The following MRPS10 variants were observed in gnomAD, a reference collection of about 807,000 sequenced individuals.
MRPS10 encodes the protein small ribosomal subunit protein uS10m.
MRPS10 carries 23 observed loss-of-function variants against 27.5 expected under a neutral mutation model. The ratio of observed to expected loss-of-function variants is 0.84; its 90% CI spans 0.60 to 1.18. MRPS10 has a LOEUF of 1.18. MRPS10 is among the 50% of genes most tolerant of loss of function. The pLI is 0.00. For synonymous variants in MRPS10, 88 were observed against 84.2 expected (o/e 1.04, Z -0.25); for missense variants, 237 against 240.1 (o/e 0.99, Z 0.09).
chr6:42,208,803 A>C, intron 6 of MRPS10, 55 bp downstream of exon 6: 1 of 1,233,758 alleles, frequency 8.1e-7, no homozygotes, highest in Non-Finnish European at 1.2e-6. Flanking sequence ...CAAAACAACA[A>C]TACAGATACC....
At chr6:42,217,513 G>C (rs1768975074) in intron 1 of MRPS10, among the ~76,000 whole-genome samples, 1 of 152,106 alleles carries the variant, frequency 6.6e-6, no homozygotes, top group South Asian at 2.1e-4. Context: ...AGTTTATTTT[G>C]CAAGCGTGAA....
At chr6:42,216,249 C>T (rs1203078043) in intron 1 of MRPS10, among the ~76,000 whole-genome samples, 1 of 151,282 alleles carries the variant, frequency 6.6e-6, no homozygotes, top group Non-Finnish European at 1.5e-5. Flanking sequence ...GTCTTGATCT[C>T]CTGATCTCGT....
chr6:42,211,652 CAACAGAGCGAGACTCTGTCTCA>C, intron 4 of MRPS10, 107 bp downstream of exon 4: 2 of 801,148 alleles, frequency 2.5e-6, no homozygotes, highest in East Asian at 6.8e-5. Context: ...CCAGCCTGGG[CAACAGAGCGAGACTCTGTCTCA>C]AAAAAAAAAA....
In MRPS10 at chr6:42,216,385, A is replaced by AGAGAGAGAGTGTGTGTGTGTGTGT; in HGVS notation, c.48+1416_48+1417insACACACACACACACACTCTCTCTC. ...GAGAGAGAGAGAGAGAGAGAGAGAG[A>AGAGAGAGAGTGTGTGTGTGTGTGT]GTGTGTGTGTGTGTGTGTGTGTGTG... On this transcript the variant is annotated intron_variant, in intron 1 of 6. Transcript: ENST00000053468. Among the ~76,000 whole-genome samples the AGAGAGAGAGTGTGTGTGTGTGTGT allele has an allele frequency of 7.0e-3, 410 of 58,632 alleles. 6 individuals carry two copies. Among genetic ancestry groups the AGAGAGAGAGTGTGTGTGTGTGTGT allele is most frequent in the African/African-American group, 0.017 (391 of 22,430 alleles). The allele number at this position is 58,632 out of a possible 152,430, so 38.5% of individuals were successfully genotyped here.
At chr6:42,210,083 G>A (rs982290554) in intron 5 of MRPS10, among the ~76,000 whole-genome samples, 5 of 152,186 alleles carry the variant, frequency 3.3e-5, no homozygotes, top group Admixed American at 6.5e-5. Flanking sequence ...TTAAGCACAC[G>A]ACTGTGCTGG....
intron 1 of MRPS10, among the ~76,000 whole-genome samples, chr6:42,216,385 A>AGAGTGTGTGT: frequency 1.7e-5 from 1 of 58,640 alleles, no homozygotes; most frequent in African/African-American, 4.5e-5. Flanking sequence ...AGAGAGAGAG[A>AGAGTGTGTGT]GTGTGTGTGT....
Position 42,216,583 on chromosome 6 carries a change from G to A in MRPS10, c.48+1219C>T, listed in dbSNP as rs545133338. ...CCCAGCACTTTGGGAGGCCGAGGCT[G>A]CCGGATCACTTGAGGTCAGGAGTTC... On this transcript the variant is annotated intron_variant, in intron 1 of 6. Transcript: ENST00000053468. 2.0e-5 allele frequency among the ~76,000 whole-genome samples: 3 copies of A among 151,680 alleles called. No homozygotes were observed. The South Asian group carries it at 6.3e-4, about 32-fold the overall frequency.
intron 1 of MRPS10, among the ~76,000 whole-genome samples, chr6:42,217,081 A>C (rs902269127): frequency 5.3e-5 from 8 of 152,244 alleles, no homozygotes; most frequent in Admixed American, 3.3e-4. Context: ...GCAAAAATGT[A>C]AAACATTGCT....
At chr6:42,211,673 C>CACTGTCTCA (rs771130391) in intron 4 of MRPS10, 108 bp downstream of exon 4, 4 of 676,066 alleles carry the variant, frequency 5.9e-6, no homozygotes, top group African/African-American at 4.9e-5. Context: ...GACTCTGTCT[C>CACTGTCTCA]AAAAAAAAAA....
chr6:42,216,806 C>T (rs866648233), intron 1 of MRPS10, among the ~76,000 whole-genome samples: 1 of 152,058 alleles, frequency 6.6e-6, no homozygotes, highest in Non-Finnish European at 1.5e-5. Context: ...AGCGAAACTC[C>T]GTCTCCAAAC....
rs1396426713 is a variant in MRPS10, at chr6:42,211,895, T to C, written c.209A>G (p.Asp70Gly). 6.2e-7 allele frequency: 1 copy of C among 1,613,516 alleles called. No homozygotes were observed. Among genetic ancestry groups the C allele is most frequent in the African/African-American group, 1.3e-5 (1 of 75,018 alleles). ...KPVVTISDEPDILYKRLSVLV... is the reference protein window; with the variant it reads ...KPVVTISDEPGILYKRLSVLV... ...AACCGAGAGGCGCTTATATAATATG[T>C]CTGGTTCATCAGAGATTGTTACCTA... Residue 70 changes from aspartate (D) to glycine (G), a missense_variant, in exon 4 of 7, where the codon GAC (aspartate) becomes GGC (glycine). This residue lies in a region of MRPS10 where 164 missense variants were observed against 137.8 expected (regional missense o/e 1.19). Coordinates refer to ENST00000053468, the MANE Select transcript of MRPS10 (RefSeq NM_018141.4).
At position 42,208,915 on chromosome 6, in the gene MRPS10, G is replaced by A. The variant is rs1214196148; in HGVS notation, c.465C>T (p.Val155=). Residue 155 remains valine, a synonymous_variant, in exon 6 of 7, where the codon GTC becomes GTT. Transcript: ENST00000053468. The part of the protein sequence containing the change: ...LEHLTGSTAD[V]YLEYIQRNLP... ...AGTTTCGCTGAATATATTCCAAGTA[G>A]ACATCTGCTGTGCTTCCAGTTAGAT... is the stretch of plus-strand genomic sequence containing the variant. 6.2e-7 allele frequency: 1 copy of A among 1,611,206 alleles called. No individual in the cohort carries two copies. The highest frequency in any genetic ancestry group is 8.5e-7 in the Non-Finnish European group (1 of 1,178,160).
At chr6:42,211,254 G>A (rs1387910610) in intron 4 of MRPS10, among the ~76,000 whole-genome samples, 3 of 152,174 alleles carry the variant, frequency 2.0e-5, no homozygotes, top group Non-Finnish European at 2.9e-5. Flanking sequence ...GGTCTAAAAC[G>A]ATTGTTCATT....
rs1768608263 is a variant in MRPS10 at position 42,206,909 on chromosome 6, A to T, written c.*1380T>A. The T allele has an allele frequency of 6.6e-6, 1 of 152,230 alleles. No individual in the cohort carries two copies. The highest frequency in any genetic ancestry group is 1.5e-5 in the Non-Finnish European group (1 of 68,050). The allele number at this position is 152,230 out of a possible 1,614,324, so 9.4% of individuals were successfully genotyped here. A position where few individuals can be genotyped will look rare whatever the true frequency, so the allele number is the denominator to read the frequency against. The stretch of plus-strand genomic sequence containing the variant: ...ACACACTGATACCTGATAGCATGTC[A>T]GGAAAAAAGAATAGGCAATGCAGTT... On this transcript the variant is annotated 3_prime_UTR_variant, in exon 7 of 7. Transcript: ENST00000053468.
intron 3 of MRPS10, 70 bp from the exon 4 acceptor site, chr6:42,211,987 G>A: frequency 7.0e-7 from 1 of 1,426,462 alleles, no homozygotes; most frequent in Non-Finnish European, 9.7e-7. Flanking sequence ...TAAAACATTA[G>A]CCTCAATTGA....
intron 6 of MRPS10, 151 bp from the exon 7 acceptor site, chr6:42,208,523 C>T (rs1768676067): frequency 1.5e-6 from 1 of 665,422 alleles, no homozygotes; most frequent in Non-Finnish European, 2.6e-6. Context: ...AAGAAGGAAA[C>T]TTGATGGTCT....
intron 6 of MRPS10, 50 bp from the exon 7 acceptor site, chr6:42,208,422 T>C (rs373979677): frequency 7.5e-7 from 1 of 1,335,696 alleles, no homozygotes; most frequent in Non-Finnish European, 1.1e-6. Context: ...CAGAACTCTT[T>C]GACTACAAAT....
At chr6:42,208,795 AAAC>A in intron 6 of MRPS10, 60 bp downstream of exon 6, 3 of 1,169,726 alleles carry the variant, frequency 2.6e-6, no homozygotes, top group South Asian at 1.3e-5. Flanking sequence ...CAATGTATCA[AAAC>A]AACAATACAG....
In MRPS10 at chr6:42,217,846, C is replaced by A; in HGVS notation, c.4G>T (p.Ala2Ser). Residue 2 changes from alanine to serine, a missense_variant, in exon 1 of 7, where the codon GCG becomes TCG. Ala to Ser is a moderately conservative substitution (Grantham distance 99). This residue lies in a region of MRPS10 where 164 missense variants were observed against 137.8 expected (regional missense o/e 1.19). Coordinates refer to ENST00000053468, the MANE Select transcript of MRPS10 (RefSeq NM_018141.4). M[A>S]ARTAFGAVCR... ...ACAGCACCGAACGCTGTCCGCGCCG[C>A]CATCTTGCCGGTCCCGACCTCTCAG... is the stretch of plus-strand genomic sequence containing the variant. 6.2e-7 allele frequency: 1 copy of A among 1,614,050 alleles called. No homozygotes were observed. The highest frequency in any genetic ancestry group is 8.5e-7 in the Non-Finnish European group (1 of 1,179,994).
Sources: gnomAD v4.1 joint callset for allele counts (sites outside exome capture counted in the v4.1 genomes callset) on GRCh38, gnomAD v4.1.1 for gene constraint, gnomAD v4.1.1 regional missense constraint, MANE v1.5 for transcripts, NCBI Gene and HGNC (gene_info 2026-07-23, HGNC 2026-07-21) for gene names.